The following RBFOX1 variants were observed in gnomAD, a reference collection of about 807,000 sequenced individuals.
The protein encoded by RBFOX1 is RNA binding fox-1 homolog 1, also known as RNA binding protein fox-1 homolog 1.
A neutral mutation model predicts 57.7 loss-of-function variants in RBFOX1; 8 were observed. The observed-to-expected ratio is 0.14, with a 90% CI of 0.08 to 0.25. The LOEUF is 0.25. Ranked by LOEUF, RBFOX1 falls within the 10% of genes least tolerant of loss-of-function variation. The pLI, the probability that RBFOX1 is intolerant of heterozygous loss-of-function variation, is 1.00. For synonymous variants in RBFOX1, 326 were observed against 222.4 expected, an observed-to-expected ratio of 1.47 and a Z score of -4.15; for missense variants, 611 against 548.5, an observed-to-expected ratio of 1.11 and a Z score of -1.14.
rs867788426 is a variant in RBFOX1, at chr16:6,417,358, A to G, written c.-64+100301A>G. ...TCCATCGGCCCTCTCTACTGATTCT[A>G]TGTTTATACTTGATCAAATAAGAGT... On this transcript the variant is annotated intron_variant, in intron 2 of 15. Coordinates refer to ENST00000550418, the MANE Select transcript of RBFOX1 (RefSeq NM_018723.4). 7.5e-5 allele frequency among the ~76,000 whole-genome samples: 11 copies of G among 146,494 alleles called. No individual in the cohort carries two copies. In the Middle Eastern group the frequency reaches 0.016, roughly 208 times the overall value.
At chr16:7,078,892 T>TTTTTGG (rs2058725724) in intron 4 of RBFOX1, among the ~76,000 whole-genome samples, 2 of 125,584 alleles carry the variant, frequency 1.6e-5, no homozygotes, top group African/African-American at 3.2e-5. Flanking sequence ...TTTTTTTTAG[T>TTTTTGG]GAAGATGGGG....
At chr16:6,478,401 ATATATATATATATATATATATATATATAT>A (rs2095308798) in intron 2 of RBFOX1, among the ~76,000 whole-genome samples, 1 of 8,634 alleles carries the variant, frequency 1.2e-4, no homozygotes, top group African/African-American at 4.7e-4. Flanking sequence ...ATATATATAT[ATATATATATATATATATATATATATATAT>A]TTTTTTTTTT....
chr16:6,887,097 C>T (rs1375387680), intron 3 of RBFOX1, among the ~76,000 whole-genome samples: 1 of 152,176 alleles, frequency 6.6e-6, no homozygotes. Flanking sequence ...TCAAAATCAT[C>T]ATGTCCCTCA....
intron 3 of RBFOX1, among the ~76,000 whole-genome samples, chr16:6,776,336 A>G (rs954611620): frequency 6.6e-6 from 1 of 152,090 alleles, no homozygotes; most frequent in Admixed American, 6.6e-5. Flanking sequence ...GTGTGAACCC[A>G]GGAGGGAGAG....
intron 4 of RBFOX1, among the ~76,000 whole-genome samples, chr16:5,926,382 T>C (rs566918072): frequency 6.6e-6 from 1 of 151,892 alleles, no homozygotes; most frequent in East Asian, 1.9e-4. Flanking sequence ...TCCTAGGGAG[T>C]CTTTGAAAAT....
intron 3 of RBFOX1, among the ~76,000 whole-genome samples, chr16:6,804,847 C>T (rs1436631324): frequency 1.3e-5 from 2 of 152,128 alleles, no homozygotes; most frequent in African/African-American, 4.8e-5. Context: ...CAGTTATGTC[C>T]TCCATAGTCA....
chr16:7,547,326 G>C (rs565731344), intron 5 of RBFOX1, among the ~76,000 whole-genome samples: 2 of 152,192 alleles, frequency 1.3e-5, no homozygotes, highest in African/African-American at 4.8e-5. Context: ...CTGTTTGTAA[G>C]TGGCCACTAA....
chr16:6,064,626 C>T (rs548021543), intron 1 of RBFOX1, among the ~76,000 whole-genome samples: 32 of 152,034 alleles, frequency 2.1e-4, no homozygotes, highest in Middle Eastern at 3.4e-3. Context: ...CTGCAACCTC[C>T]GCCTCCCGGG....
chr16:6,190,405 C>T (rs2097134143), intron 1 of RBFOX1, among the ~76,000 whole-genome samples: 2 of 152,132 alleles, frequency 1.3e-5, no homozygotes, highest in Admixed American at 6.6e-5. Flanking sequence ...GTCCTACAGC[C>T]TATGTTTGAA....
intron 3 of RBFOX1, among the ~76,000 whole-genome samples, chr16:6,788,944 C>T (rs2082440193): frequency 6.6e-6 from 1 of 152,144 alleles, no homozygotes; most frequent in African/African-American, 2.4e-5. Context: ...TTCCTCCTAG[C>T]ATTCTCTATT....
chr16:6,900,628 C>G (rs769003091), intron 3 of RBFOX1, among the ~76,000 whole-genome samples: 20 of 152,184 alleles, frequency 1.3e-4, no homozygotes, highest in Non-Finnish European at 2.4e-4. Context: ...ATGCTATTCC[C>G]TCTGCCTGGA....
At chr16:7,133,820 G>A in intron 4 of RBFOX1, among the ~76,000 whole-genome samples, 1 of 152,072 alleles carries the variant, frequency 6.6e-6, no homozygotes, top group East Asian at 1.9e-4. Flanking sequence ...TTTGCTGTCA[G>A]CCCTTTTGTA....
intron 4 of RBFOX1, among the ~76,000 whole-genome samples, chr16:7,142,710 C>G (rs993869640): frequency 1.3e-5 from 2 of 152,196 alleles, no homozygotes; most frequent in Non-Finnish European, 2.9e-5. Context: ...GTCTCCCTCT[C>G]TAAGGTCACT....
At chr16:6,573,164 C>CT (rs2097369276) in intron 2 of RBFOX1, among the ~76,000 whole-genome samples, 1 of 152,160 alleles carries the variant, frequency 6.6e-6, no homozygotes, top group Non-Finnish European at 1.5e-5. Flanking sequence ...CTACCAGAGA[C>CT]TTTACCATCA....
chr16:6,545,322 C>G (rs1024583580), intron 2 of RBFOX1, among the ~76,000 whole-genome samples: 1 of 152,140 alleles, frequency 6.6e-6, no homozygotes, highest in Non-Finnish European at 1.5e-5. Flanking sequence ...AAAACCCAAA[C>G]GTAAAATAAA....
chr16:7,112,664 C>CTG (rs200903973), intron 4 of RBFOX1, among the ~76,000 whole-genome samples: 1 of 5,610 alleles, frequency 1.8e-4, no homozygotes, highest in Non-Finnish European at 2.6e-4. Context: ...TATGTAAACT[C>CTG]TGTGTGTGTG....
rs56755477 is a variant in RBFOX1 at position 7,410,830 on chromosome 16, CGTGTGTGTGTGTGT to C, written c.28-107292_28-107279del. Among the ~76,000 whole-genome samples, 278 of 150,428 alleles carry C rather than the reference CGTGTGTGTGTGTGT, an allele frequency of 1.8e-3. 6 individuals carry two copies. The East Asian group carries it at 0.037, about 20-fold the overall frequency. ...CAGGCTTGAGGATCATGAGTTTTCA[CGTGTGTGTGTGTGT>C]GTGTGTGTGTGTGTGTGTGTGTGTA... On this transcript the variant is annotated intron_variant, in intron 4 of 15. Coordinates refer to ENST00000550418, the MANE Select transcript of RBFOX1 (RefSeq NM_018723.4).
chr16:7,258,170 C>T (rs895517946), intron 4 of RBFOX1, among the ~76,000 whole-genome samples: 2 of 152,096 alleles, frequency 1.3e-5, no homozygotes, highest in African/African-American at 4.8e-5. Flanking sequence ...TTCTGGAGAG[C>T]TTTAGGTATG....
intron 3 of RBFOX1, among the ~76,000 whole-genome samples, chr16:6,787,094 A>T (rs903586440): frequency 1.3e-5 from 2 of 152,140 alleles, no homozygotes; most frequent in Non-Finnish European, 2.9e-5. Flanking sequence ...CATAGATTGT[A>T]CCTTCACCGA....
Sources: allele counts gnomAD v4.1 joint callset (sites outside exome capture counted in the v4.1 genomes callset), GRCh38; gene constraint gnomAD v4.1.1; transcripts MANE v1.5; gene names NCBI Gene and HGNC (gene_info 2026-07-23, HGNC 2026-07-21).